TSPAN7: variants seen among roughly 807,000 people sequenced by gnomAD.
The protein encoded by TSPAN7 is tetraspanin 7, also known as tetraspanin-7.
Under a neutral mutation model 17.6 loss-of-function variants are expected in TSPAN7, and 1 was observed. That is an observed-to-expected ratio of 0.06 (90% CI 0.02 to 0.27). The LOEUF is 0.27. Among genes scored for constraint, TSPAN7 ranks in the 10% least tolerant of loss-of-function variants. The pLI is 1.00. For missense variants in TSPAN7, 112 were observed against 201.7 expected (o/e 0.56, Z 2.69); for synonymous variants, 78 against 79.0 (o/e 0.99, Z 0.07).
intron 1 of TSPAN7, among the ~76,000 whole-genome samples, chrX:38,593,613 C>T (rs963408459): frequency 1.1e-4 from 12 of 112,138 alleles, no homozygotes; most frequent in African/African-American, 3.9e-4. Flanking sequence ...AGCTCTGCCC[C>T]CATAAATGGA....
intron 2 of TSPAN7, among the ~76,000 whole-genome samples, chrX:38,670,655 T>A (rs1569315073): frequency 8.9e-6 from 1 of 112,309 alleles, no homozygotes; most frequent in Admixed American, 9.4e-5. Context: ...TGGGCCCAGA[T>A]GGGAGGGATA....
chrX:38,649,268 G>A (rs1485029389), intron 1 of TSPAN7, among the ~76,000 whole-genome samples: 1 of 111,329 alleles, frequency 9.0e-6, no homozygotes, highest in Non-Finnish European at 1.9e-5. Context: ...CACTTGCTGA[G>A]CTCACAAGTC....
rs369103867 is a variant in TSPAN7 at position 38,660,324 on chromosome X, G to T, written c.82-5797G>T. ...TGCACACTGTTACTTCTTAAAATAA[G>T]ACCATAACATTATACAAGCTGCTGG... On this transcript the variant is annotated intron_variant, in intron 1 of 7. Coordinates refer to ENST00000378482, the MANE Select transcript of TSPAN7 (RefSeq NM_004615.4). Among the ~76,000 whole-genome samples, 7 of 111,863 alleles carry T rather than the reference G, an allele frequency of 6.3e-5. No homozygotes were observed. The South Asian group carries it at 2.6e-3, about 41-fold the overall frequency.
chrX:38,659,281 G>A (rs1466883380), intron 1 of TSPAN7, among the ~76,000 whole-genome samples: 1 of 111,510 alleles, frequency 9.0e-6, no homozygotes, highest in Non-Finnish European at 1.9e-5. Flanking sequence ...GGAGCCTCTC[G>A]CCACCTGGGA....
At chrX:38,652,515 C>T (rs193255762) in intron 1 of TSPAN7, among the ~76,000 whole-genome samples, 81 of 112,432 alleles carry the variant, frequency 7.2e-4, no homozygotes, top group African/African-American at 2.4e-3. Flanking sequence ...AAATCTGTTT[C>T]CCTATAACTT....
chrX:38,632,940 C>T (rs143433991), intron 1 of TSPAN7, among the ~76,000 whole-genome samples: 3 of 112,256 alleles, frequency 2.7e-5, no homozygotes, highest in Non-Finnish European at 5.6e-5. Flanking sequence ...CTACAGAAGT[C>T]TCTTCTGCCA....
intron 1 of TSPAN7, among the ~76,000 whole-genome samples, chrX:38,575,829 T>C (rs1320278188): frequency 8.9e-6 from 1 of 112,026 alleles, no homozygotes; most frequent in Non-Finnish European, 1.9e-5. Context: ...TATTAATTAA[T>C]ATACTGCTTC....
At chrX:38,583,877 G>T (rs2069240699) in intron 1 of TSPAN7, among the ~76,000 whole-genome samples, 1 of 108,684 alleles carries the variant, frequency 9.2e-6, no homozygotes, top group African/African-American at 3.3e-5. Context: ...AGCATCGCCA[G>T]ATTTACCTTT....
At chrX:38,677,075 T>TC (rs11464470) in intron 5 of TSPAN7, among the ~76,000 whole-genome samples, 3 of 111,457 alleles carry the variant, frequency 2.7e-5, no homozygotes, top group African/African-American at 9.8e-5. Context: ...GTCTTTTTTT[T>TC]CCCCCCACTC....
intron 1 of TSPAN7, chrX:38,656,163 G>C (rs760342956): frequency 8.7e-6 from 2 of 229,993 alleles, no homozygotes; most frequent in Admixed American, 4.8e-5. Context: ...CAGGTACGAG[G>C]TATGGCTGAG....
intron 1 of TSPAN7, among the ~76,000 whole-genome samples, chrX:38,654,258 A>G (rs1418269479): frequency 8.9e-6 from 1 of 112,099 alleles, no homozygotes; most frequent in Non-Finnish European, 1.9e-5. Flanking sequence ...GGGCACACAG[A>G]TAGTAAGCAC....
At chrX:38,586,037 C>T (rs1213299202) in intron 1 of TSPAN7, among the ~76,000 whole-genome samples, 1 of 112,685 alleles carries the variant, frequency 8.9e-6, no homozygotes, top group Non-Finnish European at 1.9e-5. Flanking sequence ...TGAATGAATA[C>T]AGGATCACTC....
At chrX:38,673,702 CT>C (rs1256550350) in intron 3 of TSPAN7, among the ~76,000 whole-genome samples, 9 of 106,752 alleles carry the variant, frequency 8.4e-5, no homozygotes, top group Admixed American at 3.0e-4. Flanking sequence ...CCTTTATTAT[CT>C]TTTTTTTTTA....
intron 1 of TSPAN7, among the ~76,000 whole-genome samples, chrX:38,567,969 A>C (rs931035694): frequency 1.8e-4 from 20 of 111,877 alleles, no homozygotes; most frequent in African/African-American, 5.8e-4. Flanking sequence ...TTACTTGCAT[A>C]GCTTTTTGTT....
At chrX:38,622,522 G>T (rs2069493659) in intron 1 of TSPAN7, among the ~76,000 whole-genome samples, 1 of 111,836 alleles carries the variant, frequency 8.9e-6, no homozygotes, top group African/African-American at 3.3e-5. Flanking sequence ...AGCTGTGATT[G>T]CACTCAAGGC....
intron 1 of TSPAN7, among the ~76,000 whole-genome samples, chrX:38,612,973 T>C (rs367979180): frequency 2.5e-4 from 28 of 112,101 alleles, no homozygotes; most frequent in East Asian, 1.7e-3. Context: ...TATGACATAC[T>C]ATGTGCCATT....
chrX:38,570,685 A>C lies in TSPAN7; in HGVS notation c.81+9058A>C, dbSNP rs141637915. 9.3e-3 allele frequency: 1,037 copies of C among 111,772 alleles called. 9 individuals are homozygous for C. Among genetic ancestry groups the C allele is most frequent in the African/African-American group, 0.032 (1,000 of 30,801 alleles). The allele number at this position is 111,772 out of a possible 1,213,427, so 9.2% of individuals were successfully genotyped here. A position where few individuals can be genotyped will look rare whatever the true frequency, so the allele number is the denominator to read the frequency against. ...ACACTTTAAAAATATATTCTTATGT[A>C]TTTTTCTCCTTTAGTTCCATTACAG... On this transcript the variant is annotated intron_variant, in intron 1 of 7. Transcript: ENST00000378482.
At chrX:38,684,218 C>G (rs1349657607) in intron 6 of TSPAN7, among the ~76,000 whole-genome samples, 3 of 112,236 alleles carry the variant, frequency 2.7e-5, no homozygotes, top group Non-Finnish European at 5.6e-5. Flanking sequence ...TGGGCAAGAA[C>G]TTTGTCCCCT....
intron 3 of TSPAN7, among the ~76,000 whole-genome samples, chrX:38,672,228 G>GA (rs761568072): frequency 7.5e-4 from 82 of 108,700 alleles, no homozygotes; most frequent in African/African-American, 2.6e-3. Flanking sequence ...AAAAGAAAAA[G>GA]AAAAAAAATA....
Sources: allele counts gnomAD v4.1 joint callset (sites outside exome capture counted in the v4.1 genomes callset), GRCh38; gene constraint gnomAD v4.1.1; transcripts MANE v1.5; gene names NCBI Gene and HGNC (gene_info 2026-07-23, HGNC 2026-07-21).